The following NBAS variants were observed in gnomAD, a reference collection of about 807,000 sequenced individuals.
NBAS encodes NAG/BC035112 fusion.
Under a neutral mutation model 302.5 loss-of-function variants are expected in NBAS, and 219 were observed. That is an observed-to-expected ratio of 0.72 (90% confidence interval 0.65 to 0.81). The LOEUF (loss-of-function observed/expected upper bound fraction) is 0.81, where lower values mean the gene tolerates loss of function less well. Among genes scored for constraint, NBAS ranks in the 30% least tolerant of loss-of-function variants. The pLI, the probability that NBAS is intolerant of heterozygous loss-of-function variation, is 0.00. For synonymous variants in NBAS, 1,118 were observed against 1,021.6 expected (o/e 1.09, Z -1.80); for missense variants, 2,932 against 2,841.6 (o/e 1.03, Z -0.72).
the NBAS span, among the ~76,000 whole-genome samples, chr2:14,928,177 T>C: frequency 6.6e-6 from 1 of 152,214 alleles, no homozygotes; most frequent in South Asian, 2.1e-4. Flanking sequence ...AGTAATCTCT[T>C]CTATTTTCTT....
intron 44 of NBAS, among the ~76,000 whole-genome samples, chr2:15,262,376 G>A (rs1404914697): frequency 6.6e-6 from 1 of 152,130 alleles, no homozygotes; most frequent in African/African-American, 2.4e-5. Context: ...TCACTTACAA[G>A]AGCCAGTAAA....
chr2:14,877,282 G>A, the NBAS span, among the ~76,000 whole-genome samples: 1 of 152,124 alleles, frequency 6.6e-6, no homozygotes, highest in Non-Finnish European at 1.5e-5. Context: ...CCATATTAAT[G>A]TGGCTGCTTC....
intron 29 of NBAS, among the ~76,000 whole-genome samples, chr2:15,381,313 T>C (rs1479718308): frequency 6.6e-6 from 1 of 152,114 alleles, no homozygotes; most frequent in African/African-American, 2.4e-5. Flanking sequence ...ACCAAGTCAC[T>C]AAGACAACAT....
the NBAS span, among the ~76,000 whole-genome samples, chr2:14,803,176 C>G: frequency 1.3e-5 from 2 of 152,126 alleles, no homozygotes. Flanking sequence ...AATACTTTAC[C>G]TAATGCTCCA....
At chr2:14,865,173 C>T in the NBAS span, among the ~76,000 whole-genome samples, 7 of 152,122 alleles carry the variant, frequency 4.6e-5, no homozygotes, top group African/African-American at 1.2e-4. Flanking sequence ...TTTCTCCATT[C>T]GCAAAATGGT....
chr2:14,861,180 T>C, the NBAS span, among the ~76,000 whole-genome samples: 2 of 152,218 alleles, frequency 1.3e-5, no homozygotes, highest in East Asian at 1.9e-4. Context: ...ACAACTCTAA[T>C]ACACATCTTG....
At chr2:15,087,106 G>A in the NBAS span, among the ~76,000 whole-genome samples, 1 of 151,812 alleles carries the variant, frequency 6.6e-6, no homozygotes. Context: ...CCGGTCTCAA[G>A]CCTGCCAGCC....
chr2:15,116,582 T>C, the NBAS span, among the ~76,000 whole-genome samples: 1 of 152,222 alleles, frequency 6.6e-6, no homozygotes, highest in Non-Finnish European at 1.5e-5. Flanking sequence ...GGCCTCAACA[T>C]GTGAAGTGGT....
At chr2:15,112,760 C>CTAA in the NBAS span, among the ~76,000 whole-genome samples, 1 of 2,508 alleles carries the variant, frequency 4.0e-4, no homozygotes, top group African/African-American at 1.7e-3. Flanking sequence ...AAATATAAAC[C>CTAA]GAATTTCAAG....
the NBAS span, among the ~76,000 whole-genome samples, chr2:15,103,425 C>T: frequency 6.6e-6 from 1 of 152,146 alleles, no homozygotes; most frequent in African/African-American, 2.4e-5. Flanking sequence ...ATTAAAGTTA[C>T]AGAAGTTTAA....
chr2:15,133,266 C>A, the NBAS span, among the ~76,000 whole-genome samples: 4 of 151,012 alleles, frequency 2.6e-5, no homozygotes, highest in East Asian at 7.7e-4. Context: ...GACTCCTAGA[C>A]GTACACATGA....
chr2:15,393,782 A>G, intron 28 of NBAS: 1 of 467,042 alleles, frequency 2.1e-6, no homozygotes. Context: ...GAAATAAACT[A>G]CTGATTCATG....
the NBAS span, among the ~76,000 whole-genome samples, chr2:14,912,730 G>GAAAAAAAAAAAA: frequency 5.6e-5 from 7 of 124,272 alleles, no homozygotes; most frequent in African/African-American, 1.8e-4. Flanking sequence ...AAAAAAAAAG[G>GAAAAAAAAAAAA]AAATCCCTTT....
At chr2:15,401,552 C>T (rs949124861) in intron 26 of NBAS, among the ~76,000 whole-genome samples, 2 of 152,140 alleles carry the variant, frequency 1.3e-5, no homozygotes, top group African/African-American at 4.8e-5. Context: ...GTATTCACCA[C>T]TCTTTCATGT....
chr2:15,558,249 G>A (rs962993212), intron 2 of NBAS, among the ~76,000 whole-genome samples: 3 of 152,098 alleles, frequency 2.0e-5, no homozygotes, highest in African/African-American at 4.8e-5. Flanking sequence ...CTCACCCATC[G>A]CTCACCTCCT....
the NBAS span, among the ~76,000 whole-genome samples, chr2:14,933,443 A>T: frequency 1.7e-4 from 26 of 152,308 alleles, no homozygotes; most frequent in African/African-American, 6.0e-4. Context: ...TAAAATGATG[A>T]ATGTTCTGGG....
intron 48 of NBAS, among the ~76,000 whole-genome samples, chr2:15,210,476 T>C (rs181767835): frequency 4.2e-4 from 64 of 152,150 alleles, no homozygotes; most frequent in African/African-American, 1.4e-3. Context: ...CAATAAACAA[T>C]GCGGACAAGA....
chr2:14,906,828 C>A, the NBAS span, among the ~76,000 whole-genome samples: 3 of 152,258 alleles, frequency 2.0e-5, no homozygotes, highest in South Asian at 6.2e-4. Context: ...TCTGCCAAAT[C>A]TGAGAAGACA....
intron 40 of NBAS, 88 bp downstream of exon 40, chr2:15,308,128 G>C: frequency 6.3e-7 from 1 of 1,582,652 alleles, no homozygotes; most frequent in African/African-American, 1.3e-5. Context: ...TATGTAATCA[G>C]TTCCTCCAAA....
Sources: allele counts gnomAD v4.1 joint callset (sites outside exome capture counted in the v4.1 genomes callset), GRCh38; gene constraint gnomAD v4.1.1; transcripts MANE v1.5; gene names NCBI Gene and HGNC (gene_info 2026-07-23, HGNC 2026-07-21).